Variants in HTR3E observed in about 807,000 individuals in gnomAD.
HTR3E encodes 5-hydroxytryptamine (serotonin) receptor 3, family member E.
Under a neutral mutation model 38.0 loss-of-function variants are expected in HTR3E, and 38 were observed. That is an observed-to-expected ratio of 1.00 (90% CI 0.77 to 1.31). The LOEUF (loss-of-function observed/expected upper bound fraction) is 1.31, where lower values mean the gene tolerates loss of function less well. HTR3E is among the 50% of genes most tolerant of loss of function. The probability of loss-of-function intolerance (pLI) is 0.00; values close to 1 mark genes in which losing one functional copy is unlikely to be tolerated. For missense variants in HTR3E, 547 were observed against 585.2 expected, an observed-to-expected ratio of 0.93 and a Z score of 0.67; for synonymous variants, 210 against 232.9, an observed-to-expected ratio of 0.90 and a Z score of 0.89.
At chr3:184,102,022 A>T (rs1712079483) in intron 3 of HTR3E, among the ~76,000 whole-genome samples, 1 of 151,932 alleles carries the variant, frequency 6.6e-6, no homozygotes, top group Non-Finnish European at 1.5e-5. Context: ...AAAATCTAGT[A>T]GAAAAGGAGT....
intron 3 of HTR3E, 61 bp from the exon 4 acceptor site, chr3:184,104,119 CTT>C: frequency 2.8e-6 from 3 of 1,087,620 alleles, no homozygotes; most frequent in South Asian, 2.3e-5. Flanking sequence ...TATTTCATAA[CTT>C]TTTTTTTTAA....
intron 2 of HTR3E, 88 bp from the exon 3 acceptor site, chr3:184,101,397 G>T: frequency 9.4e-7 from 1 of 1,062,798 alleles, no homozygotes; most frequent in Non-Finnish European, 1.5e-6. Flanking sequence ...TATATACCTT[G>T]GGAGTTGGTA....
intron 3 of HTR3E, among the ~76,000 whole-genome samples, 188 bp downstream of exon 3, chr3:184,101,717 G>A (rs927301463): frequency 2.0e-5 from 3 of 152,266 alleles, no homozygotes; most frequent in Middle Eastern, 3.4e-3. Flanking sequence ...GGCTGGGCAC[G>A]GGTGGCTCAC....
At chr3:184,103,448 T>A (rs2108992532) in intron 3 of HTR3E, among the ~76,000 whole-genome samples, 1 of 152,000 alleles carries the variant, frequency 6.6e-6, no homozygotes, top group East Asian at 1.9e-4. Flanking sequence ...GCTAACACGG[T>A]GAAACCCCGT....
Position 184,104,931 on chromosome 3 carries a change from C to A in HTR3E, c.534C>A (p.Leu178=), listed in dbSNP as rs752221116. Residue 178 remains leucine (L), a synonymous_variant, in exon 5 of 9, where the codon CTC becomes CTA. Transcript: ENST00000415389. ...YFPFDQQNCT[L]TFSSFLYTVD... is the part of the protein sequence containing the mutation. Reference sequence around the variant, plus strand: ...CCTTCGACCAGCAGAACTGCACACTCACCTTCAGCTCATTCCTCTACACAG... The same window carrying A: ...CCTTCGACCAGCAGAACTGCACACTAACCTTCAGCTCATTCCTCTACACAG... The A allele has an allele frequency of 6.2e-7, 1 of 1,613,900 alleles. No individual in the cohort carries two copies. The highest frequency in any genetic ancestry group is 2.2e-5 in the East Asian group (1 of 44,856).
rs922486938 is a variant in HTR3E, at chr3:184,106,222, C to T, written c.1020C>T (p.Pro340=). Residue 340 remains proline, a synonymous_variant, in exon 8 of 9, where the codon CCC becomes CCT. Transcript: ENST00000415389. The surrounding 1 kb of genome is among the most constrained non-coding windows in gnomAD (Gnocchi z 4.1). ...TGCTGCACGTGGCCACCACCCAGCC[C>T]CCACCCCTGCCTCGGTGGCTCCACT... ...THLLHVATTQ[P]PPLPRWLHSL... is the part of the protein sequence containing the mutation. 1 of 1,612,876 alleles carries T rather than the reference C, an allele frequency of 6.2e-7. No homozygotes were observed. The highest frequency in any genetic ancestry group is 8.5e-7 in the Non-Finnish European group (1 of 1,180,012).
chr3:184,106,899 G>C lies in HTR3E; in HGVS notation c.*206G>C. The C allele has an allele frequency of 1.6e-6, 1 of 618,766 alleles. No individual in the cohort carries two copies. The highest frequency in any genetic ancestry group is 2.8e-6 in the Non-Finnish European group (1 of 354,432). The allele number at this position is 618,766 out of a possible 1,614,324, so 38.3% of individuals were successfully genotyped here. On this transcript the variant is annotated 3_prime_UTR_variant, in exon 9 of 9. Transcript: ENST00000415389. This position sits in a 1 kb window ranked among gnomAD's most constrained non-coding sequence, Gnocchi z 4.1. ...TCCTGCATTTTGTTGGCTTCCTTCA[G>C]TCCTACCATATGGTTCTAGGTCCCT...
In HTR3E at chr3:184,106,890, C is replaced by T. The variant is rs1712500263; in HGVS notation, c.*197C>T. The T allele has an allele frequency of 3.1e-6, 2 of 637,254 alleles. No individual in the cohort carries two copies. Among genetic ancestry groups the T allele is most frequent in the Admixed American group, 3.0e-5 (1 of 33,896 alleles). The allele number at this position is 637,254 out of a possible 1,614,324, so 39.5% of individuals were successfully genotyped here. On this transcript the variant is annotated 3_prime_UTR_variant, in exon 9 of 9. Coordinates refer to ENST00000415389, the MANE Select transcript of HTR3E (RefSeq NM_001256613.2). This position sits in a 1 kb window ranked among gnomAD's most constrained non-coding sequence, Gnocchi z 4.1. ...TCTCCCTGTTCCTGCATTTTGTTGG[C>T]TTCCTTCAGTCCTACCATATGGTTC...
At position 184,106,643 on chromosome 3, in the gene HTR3E, C is replaced by T. The variant is rs767391725; in HGVS notation, c.1321C>T (p.Leu441Phe). The T allele has an allele frequency of 6.2e-6, 10 of 1,614,018 alleles. No individual in the cohort carries two copies. The highest frequency in any genetic ancestry group is 3.3e-5 in the Admixed American group (2 of 60,002). Residue 441 changes from leucine to phenylalanine, a missense_variant, in exon 9 of 9, where the codon CTC (leucine) becomes TTC (phenylalanine). By Grantham distance (22) the Leu-to-Phe change is conservative. Coordinates refer to ENST00000415389, the MANE Select transcript of HTR3E (RefSeq NM_001256613.2). The surrounding 1 kb of genome is among the most constrained non-coding windows in gnomAD (Gnocchi z 4.1). ...CGCCATGCTCTTCCGCCTCTACCTG[C>T]TCTTCATGGCCTCCTCTATCATCAC... is the stretch of plus-strand genomic sequence containing the variant. ...MDAMLFRLYLLFMASSIITVI... is the reference protein window; with the variant it reads ...MDAMLFRLYLFFMASSIITVI...
Position 184,105,819 on chromosome 3 carries a change from G to A in HTR3E, c.775G>A (p.Gly259Ser). 1 of 1,614,178 alleles carries A rather than the reference G, an allele frequency of 6.2e-7. No individual in the cohort carries two copies. The highest frequency in any genetic ancestry group is 8.5e-7 in the Non-Finnish European group (1 of 1,180,044). ...TGTCATAAACCTTCTCGTGCCCAGTGGCTTTCTGGTTGCCATCGATGCCCT... is the reference window on the plus strand; with the variant it reads ...TGTCATAAACCTTCTCGTGCCCAGTAGCTTTCTGGTTGCCATCGATGCCCT... ...LYVINLLVPS[G>S]FLVAIDALSF... The change falls in exon 7 of 9, where the codon GGC becomes AGC. Residue 259 changes from glycine (G) to serine (S), a missense_variant. Gly to Ser is a moderately conservative substitution (Grantham distance 56, BLOSUM62 0). Coordinates refer to ENST00000415389, the MANE Select transcript of HTR3E (RefSeq NM_001256613.2).
intron 1 of HTR3E, chr3:184,100,281 T>A: frequency 7.2e-7 from 1 of 1,398,438 alleles, no homozygotes; most frequent in South Asian, 1.3e-5. Context: ...GGTAAAGCAG[T>A]ATCTACCTGA....
In HTR3E at chr3:184,106,609, C is replaced by T; in HGVS notation, c.1287C>T (p.His429=). 2 of 1,614,212 alleles carry T rather than the reference C, an allele frequency of 1.2e-6. No homozygotes were observed. Among genetic ancestry groups the T allele is most frequent in the African/African-American group, 1.3e-5 (1 of 75,058 alleles). The change falls in exon 9 of 9, where the codon CAC becomes CAT. Residue 429 remains histidine (H), a synonymous_variant. Transcript: ENST00000415389. The surrounding 1 kb of genome is among the most constrained non-coding windows in gnomAD (Gnocchi z 4.1). ...HSVELWLQFS[H]AMDAMLFRLY... Reference sequence around the variant, plus strand: ...TGGAGCTGTGGTTGCAGTTCAGCCACGCGATGGACGCCATGCTCTTCCGCC... The same window carrying T: ...TGGAGCTGTGGTTGCAGTTCAGCCATGCGATGGACGCCATGCTCTTCCGCC...
rs1403244604 is a variant in HTR3E at position 184,097,523 on chromosome 3, AAAG to A, written c.-2_1del. The A allele has an allele frequency of 9.1e-6, 14 of 1,535,152 alleles. No individual in the cohort carries two copies. The African/African-American group carries it at 1.2e-4, about 14-fold the overall frequency. On this transcript the variant is annotated 5_prime_UTR_variant, in exon 1 of 9. Coordinates refer to ENST00000415389, the MANE Select transcript of HTR3E (RefSeq NM_001256613.2). ...TACATGTTCAGAGAAGAACTTAGAC[AAAG>A]AAGATGGAAGGAAGCTGGTTCCACA...
chr3:184,101,157 TG>T (rs752340725), intron 2 of HTR3E, among the ~76,000 whole-genome samples: 14 of 152,336 alleles, frequency 9.2e-5, no homozygotes, highest in Non-Finnish European at 1.9e-4. Flanking sequence ...TTGGCCAAGC[TG>T]GTCTCAAACT....
intron 3 of HTR3E, 57 bp from the exon 4 acceptor site, chr3:184,104,125 T>G (rs1560095823): frequency 8.0e-7 from 1 of 1,243,746 alleles, no homozygotes; most frequent in Non-Finnish European, 1.1e-6. Flanking sequence ...ATAACTTTTT[T>G]TTTTAAAGAA....
At position 184,104,822 on chromosome 3, in the gene HTR3E, C is replaced by A. The variant is rs921447624; in HGVS notation, c.425C>A (p.Ala142Glu). 3 of 1,613,618 alleles carry A rather than the reference C, an allele frequency of 1.9e-6. No homozygotes were observed. In the African/African-American group the frequency reaches 4.0e-5, roughly 22 times the overall value. ...DVDKTPKGLT[A>E]YVSNEGRIRY... is the part of the protein sequence containing the mutation. ...GATAAGACCCCAAAAGGCCTCACAGCATATGTAAGTAATGAAGGTCGCATC... is the reference window on the plus strand; with the variant it reads ...GATAAGACCCCAAAAGGCCTCACAGAATATGTAAGTAATGAAGGTCGCATC... The change falls in exon 5 of 9, where the codon GCA (alanine) becomes GAA (glutamate). Residue 142 changes from alanine (A) to glutamate (E), a missense_variant. Transcript: ENST00000415389.
intron 2 of HTR3E, among the ~76,000 whole-genome samples, chr3:184,101,227 G>A (rs544169944): frequency 2.0e-5 from 3 of 152,254 alleles, no homozygotes; most frequent in South Asian, 2.1e-4. Context: ...ATGAGCCACC[G>A]CGCCCGGCCA....
At chr3:184,099,538 C>G (rs1346810222) in intron 1 of HTR3E, among the ~76,000 whole-genome samples, 1 of 151,444 alleles carries the variant, frequency 6.6e-6, no homozygotes, top group Non-Finnish European at 1.5e-5. Flanking sequence ...CAAGGTGAAA[C>G]CCCGTCTCTA....
intron 2 of HTR3E, among the ~76,000 whole-genome samples, chr3:184,101,228 C>T (rs964826109): frequency 6.6e-5 from 10 of 152,180 alleles, no homozygotes; most frequent in East Asian, 1.9e-4. Flanking sequence ...TGAGCCACCG[C>T]GCCCGGCCAC....
Sources: gnomAD v4.1 joint callset for allele counts (sites outside exome capture counted in the v4.1 genomes callset) on GRCh38, gnomAD v4.1.1 for gene constraint, Gnocchi (gnomAD v3.1) non-coding constraint, MANE v1.5 for transcripts, NCBI Gene and HGNC (gene_info 2026-07-23, HGNC 2026-07-21) for gene names.